The following WWOX variants were observed in gnomAD, a reference collection of about 807,000 sequenced individuals.
WWOX encodes the protein WW domain containing oxidoreductase.
WWOX carries 69 observed loss-of-function variants against 46.2 expected under a neutral mutation model. The ratio of observed to expected loss-of-function variants is 1.49; its 90% CI spans 1.23 to 1.82. WWOX has a LOEUF of 1.82. WWOX is among the 40% of genes most tolerant of loss of function. The pLI is 0.00. For missense variants in WWOX, 919 were observed against 542.6 expected (o/e 1.69, Z -6.89); for synonymous variants, 359 against 202.6 (o/e 1.77, Z -6.56).
intron 8 of WWOX, among the ~76,000 whole-genome samples, chr16:79,067,089 C>A (rs2048455174): frequency 6.6e-6 from 1 of 152,180 alleles, no homozygotes; most frequent in Admixed American, 6.5e-5. Context: ...TGAGGTCTCC[C>A]TGAAAGGAGC....
chr16:78,598,578 G>A (rs982876124), intron 8 of WWOX, among the ~76,000 whole-genome samples: 1 of 152,114 alleles, frequency 6.6e-6, no homozygotes, highest in East Asian at 1.9e-4. Flanking sequence ...CGGTGCCATC[G>A]GTGACGCCAA....
chr16:78,363,011 T>C (rs1388103720), intron 5 of WWOX, among the ~76,000 whole-genome samples: 7 of 152,146 alleles, frequency 4.6e-5, no homozygotes, highest in East Asian at 3.9e-4. Context: ...GTTCCATGTG[T>C]AGGGGAGAAG....
In WWOX at chr16:78,578,282, A is replaced by ATT. The variant is rs1227489730; in HGVS notation, c.1056+145531_1056+145532insTT. 1.3e-3 allele frequency among the ~76,000 whole-genome samples: 43 copies of ATT among 34,206 alleles called. 2 individuals are homozygous for ATT. Among genetic ancestry groups the ATT allele is most frequent in the African/African-American group, 2.9e-3 (21 of 7,122 alleles). The allele number at this position is 34,206 out of a possible 152,430, so 22.4% of individuals were successfully genotyped here. On this transcript the variant is annotated intron_variant, in intron 8 of 8. Coordinates refer to ENST00000566780, the MANE Select transcript of WWOX (RefSeq NM_016373.4). The stretch of plus-strand genomic sequence containing the variant: ...TATATATATATATATATATATATAT[A>ATT]TATTTTTTTTTTTTTTTTTTTTTTT...
intron 8 of WWOX, among the ~76,000 whole-genome samples, chr16:78,490,004 A>G (rs1486249853): frequency 6.6e-6 from 1 of 152,188 alleles, no homozygotes; most frequent in African/African-American, 2.4e-5. Flanking sequence ...GAAACTGGCA[A>G]TTTACATTCT....
At chr16:78,943,927 A>C (rs897577266) in intron 8 of WWOX, among the ~76,000 whole-genome samples, 1 of 152,212 alleles carries the variant, frequency 6.6e-6, no homozygotes, top group Non-Finnish European at 1.5e-5. Context: ...CTGCTACCCA[A>C]GGCCTCCATT....
chr16:78,558,250 G>A (rs1006319524), intron 8 of WWOX, among the ~76,000 whole-genome samples: 1 of 152,192 alleles, frequency 6.6e-6, no homozygotes, highest in African/African-American at 2.4e-5. Context: ...AATTTCTAGT[G>A]CCTGGAGTCT....
At chr16:78,974,844 A>T (rs535646737) in intron 8 of WWOX, among the ~76,000 whole-genome samples, 1 of 152,206 alleles carries the variant, frequency 6.6e-6, no homozygotes, top group East Asian at 1.9e-4. Flanking sequence ...GAGGCAATTT[A>T]TTACCCCAGC....
chr16:78,630,723 T>G (rs1250244741), intron 8 of WWOX, among the ~76,000 whole-genome samples: 3 of 152,192 alleles, frequency 2.0e-5, no homozygotes, highest in African/African-American at 7.2e-5. Flanking sequence ...GACCGTATGC[T>G]GAGTCTTATG....
intron 8 of WWOX, among the ~76,000 whole-genome samples, chr16:78,800,630 G>C (rs1462094674): frequency 6.6e-6 from 1 of 152,196 alleles, no homozygotes; most frequent in East Asian, 1.9e-4. Flanking sequence ...TGCAGTGGCA[G>C]CTGACGGCCA....
intron 4 of WWOX, among the ~76,000 whole-genome samples, chr16:78,155,524 G>C (rs1296853017): frequency 6.6e-6 from 1 of 152,160 alleles, no homozygotes; most frequent in Non-Finnish European, 1.5e-5. Flanking sequence ...TCATTTTTCT[G>C]ATTGCATCTG....
intron 8 of WWOX, among the ~76,000 whole-genome samples, chr16:79,083,501 C>T (rs7206903): frequency 0.044 from 6,661 of 152,238 alleles, 483 homozygotes; most frequent in African/African-American, 0.15. Context: ...AGAACCTAGC[C>T]TATCTCACCT....
chr16:78,428,328 G>A (rs1475724107), intron 7 of WWOX, among the ~76,000 whole-genome samples: 1 of 152,292 alleles, frequency 6.6e-6, no homozygotes, highest in Admixed American at 6.5e-5. Flanking sequence ...TCGTTTTTCA[G>A]GAAGCCGTTT....
intron 8 of WWOX, among the ~76,000 whole-genome samples, chr16:78,473,117 G>T (rs917439166): frequency 6.6e-6 from 1 of 152,160 alleles, no homozygotes; most frequent in Non-Finnish European, 1.5e-5. Context: ...ACACAGTGTT[G>T]CTTATCTTTT....
chr16:78,698,484 C>A (rs1463664625), intron 8 of WWOX, among the ~76,000 whole-genome samples: 1 of 152,176 alleles, frequency 6.6e-6, no homozygotes, highest in Non-Finnish European at 1.5e-5. Flanking sequence ...TCTTATTATT[C>A]TGTTTACAAA....
At chr16:78,210,847 C>T (rs976432941) in intron 5 of WWOX, among the ~76,000 whole-genome samples, 1 of 152,190 alleles carries the variant, frequency 6.6e-6, no homozygotes, top group Non-Finnish European at 1.5e-5. Context: ...TCTACATTCT[C>T]TAAGGCAGTG....
intron 8 of WWOX, among the ~76,000 whole-genome samples, chr16:79,115,452 GTGC>G (rs10534357): frequency 0.92 from 140,104 of 152,034 alleles, 64,756 homozygotes; most frequent in East Asian, 1. Context: ...AAACCCACAG[GTGC>G]TGCTCTTGTT....
intron 8 of WWOX, among the ~76,000 whole-genome samples, chr16:78,926,927 G>T (rs913101815): frequency 6.6e-6 from 1 of 152,118 alleles, no homozygotes; most frequent in Non-Finnish European, 1.5e-5. Flanking sequence ...TTCCTAAGTA[G>T]CTGGGAGCAC....
chr16:78,522,163 T>C (rs1347991602), intron 8 of WWOX, among the ~76,000 whole-genome samples: 2 of 144,234 alleles, frequency 1.4e-5, no homozygotes, highest in African/African-American at 5.3e-5. Flanking sequence ...AAAAAAAAAC[T>C]TCAGAAGCTG....
chr16:78,300,559 C>G (rs948160645), intron 5 of WWOX, among the ~76,000 whole-genome samples: 2 of 151,940 alleles, frequency 1.3e-5, no homozygotes, highest in Non-Finnish European at 2.9e-5. Context: ...TCTCTCCCTC[C>G]CTTCCCTCTC....
Sources: gnomAD v4.1 joint callset for allele counts (sites outside exome capture counted in the v4.1 genomes callset) on GRCh38, gnomAD v4.1.1 for gene constraint, MANE v1.5 for transcripts, NCBI Gene and HGNC (gene_info 2026-07-23, HGNC 2026-07-21) for gene names.